PPP4R1: variants seen among roughly 807,000 people sequenced by gnomAD.
PPP4R1 encodes the protein protein phosphatase 4 regulatory subunit 1.
PPP4R1 carries 42 observed loss-of-function variants against 111.2 expected under a neutral mutation model. The ratio of observed to expected loss-of-function variants is 0.38; its 90% CI spans 0.29 to 0.49. PPP4R1 has a LOEUF of 0.49. PPP4R1 is among the 20% of genes least tolerant of loss of function. The pLI is 0.97. For missense variants in PPP4R1, 1,012 were observed against 1,161.6 expected (o/e 0.87, Z 1.87); for synonymous variants, 409 against 405.5 (o/e 1.01, Z -0.10).
rs769505011 is a variant in PPP4R1, at chr18:9,559,451, C to T, written c.1996G>A (p.Glu666Lys). 3.1e-6 allele frequency: 5 copies of T among 1,613,686 alleles called. No homozygotes were observed. The highest frequency in any genetic ancestry group is 1.1e-5 in the South Asian group (1 of 90,894). ...LGRQNWHCLR[E>K]TYETLASDMQ... ...TCTGAGGCCAGAGTCTCATACGTCT[C>T]TCTCAGGCAGTGCCAATTCTGTCTT... Residue 666 changes from glutamate (E) to lysine (K), a missense_variant, in exon 14 of 20, where the codon GAG (glutamate) becomes AAG (lysine). Glu to Lys is a moderately conservative substitution (Grantham distance 56, BLOSUM62 1). Transcript: ENST00000400556.
At chr18:9,565,117 T>C (rs1264892115) in intron 11 of PPP4R1, among the ~76,000 whole-genome samples, 3 of 152,186 alleles carry the variant, frequency 2.0e-5, no homozygotes, top group Non-Finnish European at 4.4e-5. Flanking sequence ...CTCTGTATTG[T>C]ATGTTGGTAA....
Position 9,614,281 on chromosome 18 carries a change from G to T in PPP4R1, c.8-11C>A. On this transcript the variant is annotated splice_polypyrimidine_tract_variant and intron_variant, in intron 1 of 19. Transcript: ENST00000400556. This position sits in a 1 kb window ranked among gnomAD's most constrained non-coding sequence, Gnocchi z 4.1. ...GAAGCAGCGAGAGGTCTGCGCCGAG[G>T]GGAGAGAAGAAAGGCCCGGTCAGCG... 1 of 1,312,100 alleles carries T rather than the reference G, an allele frequency of 7.6e-7. No homozygotes were observed. Among genetic ancestry groups the T allele is most frequent in the South Asian group, 2.0e-5 (1 of 49,382 alleles). The allele number at this position is 1,312,100 out of a possible 1,614,324, so 81.3% of individuals were successfully genotyped here. A position where few individuals can be genotyped will look rare whatever the true frequency, so the allele number is the denominator to read the frequency against.
chr18:9,584,378 C>A, intron 8 of PPP4R1, 137 bp downstream of exon 8: 2 of 703,318 alleles, frequency 2.8e-6, no homozygotes, highest in Non-Finnish European at 4.3e-6. Context: ...ATTTAAACTC[C>A]TAAATTCAAA....
intron 11 of PPP4R1, 56 bp from the exon 12 acceptor site, chr18:9,563,606 C>G (rs757533975): frequency 1.1e-5 from 16 of 1,430,562 alleles, no homozygotes; most frequent in Non-Finnish European, 1.5e-5. Context: ...AATATTCTTA[C>G]AAGGCTGTTC....
At chr18:9,588,659 A>T in intron 5 of PPP4R1, 52 bp downstream of exon 5, 1 of 1,488,268 alleles carries the variant, frequency 6.7e-7, no homozygotes, top group South Asian at 1.3e-5. Context: ...GCTATTCTCC[A>T]TATATTACAC....
chr18:9,594,855 A>C, intron 3 of PPP4R1, 163 bp downstream of exon 3: 1 of 757,718 alleles, frequency 1.3e-6, no homozygotes, highest in Non-Finnish European at 2.0e-6. Flanking sequence ...TCAAAGAATA[A>C]ACAAGTACAA....
At chr18:9,606,558 C>A (rs2067485466) in intron 2 of PPP4R1, among the ~76,000 whole-genome samples, 1 of 152,082 alleles carries the variant, frequency 6.6e-6, no homozygotes, top group South Asian at 2.1e-4. Flanking sequence ...GAAACCCTTC[C>A]TTCAAATATC....
In PPP4R1 at chr18:9,559,577, G is replaced by C. The variant is rs1441737596; in HGVS notation, c.1870C>G (p.Gln624Glu). 1.2e-6 allele frequency: 2 copies of C among 1,607,454 alleles called. No homozygotes were observed. Among genetic ancestry groups the C allele is most frequent in the Non-Finnish European group, 1.7e-6 (2 of 1,176,340 alleles). ...QDVVPQALLD[Q>E]YLSMTDPSRA... ...GAAGGGTCAGTCATAGATAAATACTGATCTAACAACGCCTGAGGTACAACA... is the reference window on the plus strand; with the variant it reads ...GAAGGGTCAGTCATAGATAAATACTCATCTAACAACGCCTGAGGTACAACA... The change falls in exon 14 of 20, where the codon CAG (glutamine) becomes GAG (glutamate). Residue 624 changes from glutamine (Q) to glutamate (E), a missense_variant. Physicochemically the swap from Gln to Glu is conservative, Grantham distance 29 (BLOSUM62 2). This residue lies in a region of PPP4R1 where 305 missense variants were observed against 419.5 expected (regional missense o/e 0.73). Coordinates refer to ENST00000400556, the MANE Select transcript of PPP4R1 (RefSeq NM_001042388.3).
chr18:9,609,480 CAGTT>C (rs1437151785), intron 2 of PPP4R1, among the ~76,000 whole-genome samples: 1 of 152,216 alleles, frequency 6.6e-6, no homozygotes, highest in African/African-American at 2.4e-5. Context: ...CGGTTACCCT[CAGTT>C]AGTTCTGGAC....
chr18:9,564,567 TTTTCACCAACCCTTTTAA>T (rs2066729501), intron 11 of PPP4R1, among the ~76,000 whole-genome samples: 1 of 152,298 alleles, frequency 6.6e-6, no homozygotes, highest in African/African-American at 2.4e-5. Context: ...TCGGCTGCAA[TTTTCACCAACCCTTTTAA>T]TCACTTCAGC....
intron 2 of PPP4R1, among the ~76,000 whole-genome samples, chr18:9,600,197 A>C (rs1045867308): frequency 3.6e-4 from 1 of 2,808 alleles, no homozygotes; most frequent in Non-Finnish European, 8.1e-4. Flanking sequence ...TCTATTTCCC[A>C]AAAAAAAAAA....
At chr18:9,588,369 G>T in intron 5 of PPP4R1, 134 bp from the exon 6 acceptor site, 1 of 1,004,416 alleles carries the variant, frequency 1.0e-6, no homozygotes, top group Non-Finnish European at 1.4e-6. Context: ...AAATATTTGT[G>T]TTTATTTTCT....
intron 18 of PPP4R1, 129 bp from the exon 19 acceptor site, chr18:9,549,467 G>T (rs562667737): frequency 3.5e-6 from 4 of 1,141,434 alleles, no homozygotes; most frequent in Non-Finnish European, 4.9e-6. Context: ...AAAATTCCAC[G>T]TACTTGGGAA....
intron 10 of PPP4R1, 104 bp from the exon 11 acceptor site, chr18:9,570,787 T>C: frequency 8.1e-7 from 1 of 1,234,182 alleles, no homozygotes; most frequent in Non-Finnish European, 1.1e-6. Context: ...AGTTAAACAT[T>C]AAAAATTACG....
intron 15 of PPP4R1, among the ~76,000 whole-genome samples, chr18:9,554,567 T>TAA (rs796274028): frequency 1.7e-3 from 248 of 148,374 alleles, no homozygotes; most frequent in African/African-American, 5.8e-3. Context: ...GTAATTTAAT[T>TAA]AAAAAAAAAA....
In PPP4R1 at chr18:9,588,058, T is replaced by C. The variant is rs750267518; in HGVS notation, c.585+31A>G. On this transcript the variant is annotated intron_variant, in intron 6 of 19. Coordinates refer to ENST00000400556, the MANE Select transcript of PPP4R1 (RefSeq NM_001042388.3). ...TAAGCACCTCTTATCAGCCACATTT[T>C]GCATAAGTGGAAAAATGGCATTTGA... 7 of 1,612,686 alleles carry C rather than the reference T, an allele frequency of 4.3e-6. No individual in the cohort carries two copies. The East Asian group carries it at 6.7e-5, about 15-fold the overall frequency.
intron 10 of PPP4R1, 41 bp from the exon 11 acceptor site, chr18:9,570,724 G>T: frequency 6.8e-7 from 1 of 1,481,058 alleles, no homozygotes; most frequent in Non-Finnish European, 8.9e-7. Flanking sequence ...CAATATGAAA[G>T]GATAATTACT....
At chr18:9,600,925 G>C (rs1033835966) in intron 2 of PPP4R1, among the ~76,000 whole-genome samples, 1 of 152,028 alleles carries the variant, frequency 6.6e-6, no homozygotes, top group Non-Finnish European at 1.5e-5. Flanking sequence ...ATTATTATGA[G>C]ACAAAATAGA....
At position 9,550,163 on chromosome 18, in the gene PPP4R1, C is replaced by T; in HGVS notation, c.2436G>A (p.Leu812=). 1 of 1,614,204 alleles carries T rather than the reference C, an allele frequency of 6.2e-7. No homozygotes were observed. Among genetic ancestry groups the T allele is most frequent in the Non-Finnish European group, 8.5e-7 (1 of 1,180,042 alleles). ...YKLVSEMVKK[L]HAATPPTFGV... ...CGAACGTTGGTGGTGTTGCCGCGTG[C>T]AGCTTCTTCACCATCTCGCTGACCT... is the stretch of plus-strand genomic sequence containing the variant. Residue 812 remains leucine (L), a synonymous_variant, in exon 18 of 20, where the codon CTG becomes CTA. Transcript: ENST00000400556.
Sources: gnomAD v4.1 joint callset for allele counts (sites outside exome capture counted in the v4.1 genomes callset) on GRCh38, gnomAD v4.1.1 for gene constraint, gnomAD v4.1.1 regional missense constraint, Gnocchi (gnomAD v3.1) non-coding constraint, MANE v1.5 for transcripts, NCBI Gene and HGNC (gene_info 2026-07-23, HGNC 2026-07-21) for gene names.